The following SFMBT2 variants were observed in gnomAD, a reference collection of about 807,000 sequenced individuals.
SFMBT2 encodes scm-like with four MBT domains protein 2.
Under a neutral mutation model 110.1 loss-of-function variants are expected in SFMBT2, and 38 were observed. The observed-to-expected ratio is 0.35, with a 90% CI of 0.27 to 0.45. The LOEUF (loss-of-function observed/expected upper bound fraction) is 0.45, where lower values mean the gene tolerates loss of function less well. Ranked by LOEUF, SFMBT2 falls within the 20% of genes least tolerant of loss-of-function variation. SFMBT2 has a pLI of 1.00. For missense variants in SFMBT2, 1,011 were observed against 1,094.9 expected (o/e 0.92, Z 1.08); for synonymous variants, 425 against 425.4 (o/e 1.00, Z 0.01).
chr10:7,377,840 C>CGG (rs1167108581), intron 2 of SFMBT2, among the ~76,000 whole-genome samples: 5 of 152,190 alleles, frequency 3.3e-5, no homozygotes. Context: ...AATCTGTGGC[C>CGG]GGGGGGTTGG....
chr10:7,379,422 GATTT>G (rs1241416372), intron 2 of SFMBT2, among the ~76,000 whole-genome samples: 1 of 111,964 alleles, frequency 8.9e-6, no homozygotes, highest in Non-Finnish European at 2.0e-5. Context: ...CTCAAAACTA[GATTT>G]TAGTAAAAAA....
intron 4 of SFMBT2, chr10:7,320,543 C>T: frequency 1.1e-6 from 1 of 950,834 alleles, no homozygotes. Context: ...AACCATTTCA[C>T]TATAGGAAGT....
chr10:7,291,081 C>T (rs1290734998), intron 4 of SFMBT2, among the ~76,000 whole-genome samples: 1 of 152,172 alleles, frequency 6.6e-6, no homozygotes, highest in Non-Finnish European at 1.5e-5. Context: ...AACAAGGAGA[C>T]CCATGCTGGG....
chr10:7,368,356 TTAA>T (rs1472478947), intron 3 of SFMBT2: 37 of 985,416 alleles, frequency 3.8e-5, no homozygotes, highest in Non-Finnish European at 4.5e-5. Context: ...TGTTTTTTAA[TTAA>T]GGGTGATAGT....
In SFMBT2 at chr10:7,298,770, CGT is replaced by C. The variant is rs920024680; in HGVS notation, c.437-12818_437-12817del. On this transcript the variant is annotated intron_variant, in intron 4 of 20. Coordinates refer to ENST00000397167, the MANE Select transcript of SFMBT2 (RefSeq NM_001387889.1). ...ATGTGTGTGTGCATATGTGTGTGTTCGTGTGTGTGTGTGTATATGTGTGTCTG... is the reference window on the plus strand; with the variant it reads ...ATGTGTGTGTGCATATGTGTGTGTTCGTGTGTGTGTGTATATGTGTGTCTG... Among the ~76,000 whole-genome samples the C allele has an allele frequency of 1.3e-3, 191 of 150,996 alleles. 2 individuals carry two copies. The highest frequency in any genetic ancestry group is 4.2e-3 in the African/African-American group (174 of 41,130).
At position 7,163,836 on chromosome 10, in the gene SFMBT2, A is replaced by C; in HGVS notation, c.2619T>G (p.Pro873=). 6.2e-7 allele frequency: 1 copy of C among 1,614,230 alleles called. No homozygotes were observed. The highest frequency in any genetic ancestry group is 1.1e-5 in the South Asian group (1 of 91,086). ...CGATCTGGTGGCATAACTTGATGGC[A>C]GGCCCCAGCTTCAGCTCCATGCACT... is the stretch of plus-strand genomic sequence containing the variant. ...VQECMELKLG[P]AIKLCHQIER... Residue 873 remains proline (P), a synonymous_variant, in exon 21 of 21, where the codon CCT becomes CCG. Coordinates refer to ENST00000397167, the MANE Select transcript of SFMBT2 (RefSeq NM_001387889.1). The surrounding 1 kb of genome is among the most constrained non-coding windows in gnomAD (Gnocchi z 4.8).
intron 4 of SFMBT2, among the ~76,000 whole-genome samples, chr10:7,309,756 T>C (rs1180510307): frequency 6.6e-6 from 1 of 152,220 alleles, no homozygotes; most frequent in Non-Finnish European, 1.5e-5. Context: ...GTAAATGTCC[T>C]ACGCATAGCC....
At chr10:7,263,699 C>T (rs1841290721) in intron 7 of SFMBT2, among the ~76,000 whole-genome samples, 1 of 152,152 alleles carries the variant, frequency 6.6e-6, no homozygotes, top group Non-Finnish European at 1.5e-5. Context: ...TGTAAGTGTC[C>T]CACCTGAAGG....
In SFMBT2 at chr10:7,160,328, A is replaced by G. The variant is rs1382247521; in HGVS notation, c.*3442T>C. 2.0e-5 allele frequency: 3 copies of G among 152,260 alleles called. No individual in the cohort carries two copies. Among genetic ancestry groups the G allele is most frequent in the Admixed American group, 2.0e-4 (3 of 15,280 alleles). 9.4% of individuals were successfully genotyped at this position (152,260 alleles called of 1,614,324 possible). A position where few individuals can be genotyped will look rare whatever the true frequency, so the allele number is the denominator to read the frequency against. ...AGGATATTTTTTCAACATAGTACAAATACAGTCAAGAAGTGAGGAGCTGAA... is the reference window on the plus strand; with the variant it reads ...AGGATATTTTTTCAACATAGTACAAGTACAGTCAAGAAGTGAGGAGCTGAA... On this transcript the variant is annotated 3_prime_UTR_variant, in exon 21 of 21. Transcript: ENST00000397167.
At chr10:7,312,303 G>A (rs955445128) in intron 4 of SFMBT2, among the ~76,000 whole-genome samples, 1 of 152,084 alleles carries the variant, frequency 6.6e-6, no homozygotes, top group African/African-American at 2.4e-5. Context: ...CAGGGCTCTA[G>A]AGGTCCGAGG....
chr10:7,252,114 C>T (rs116863278), intron 7 of SFMBT2, among the ~76,000 whole-genome samples: 1,676 of 152,342 alleles, frequency 0.011, 24 homozygotes, highest in Non-Finnish European at 0.015. Flanking sequence ...AGGCCCTCAA[C>T]CTGACCTTGA....
intron 4 of SFMBT2, among the ~76,000 whole-genome samples, chr10:7,310,503 A>C (rs1842819797): frequency 6.6e-6 from 1 of 152,250 alleles, no homozygotes; most frequent in Non-Finnish European, 1.5e-5. Flanking sequence ...ACATTTTAAT[A>C]CAGTAGTCCA....
intron 16 of SFMBT2, among the ~76,000 whole-genome samples, chr10:7,179,408 A>AC (rs1564369391): frequency 6.6e-6 from 1 of 151,126 alleles, no homozygotes; most frequent in Non-Finnish European, 1.5e-5. Context: ...AAAAAAAAAA[A>AC]AAAAAAAACA....
chr10:7,311,334 T>C (rs1022220119), intron 4 of SFMBT2, among the ~76,000 whole-genome samples: 21 of 152,224 alleles, frequency 1.4e-4, no homozygotes, highest in African/African-American at 4.6e-4. Flanking sequence ...CCATCTTTCA[T>C]TGTGACATTT....
chr10:7,163,901 C>T lies in SFMBT2; in HGVS notation c.2554G>A (p.Gly852Ser), dbSNP rs1837621074. The change falls in exon 21 of 21, where the codon GGC becomes AGC. Residue 852 changes from glycine (G) to serine (S), a missense_variant. By Grantham distance (56) the Gly-to-Ser change is moderately conservative. Transcript: ENST00000397167. The surrounding 1 kb of genome is among the most constrained non-coding windows in gnomAD (Gnocchi z 4.8). ...AGGGTCAGAAGCAGGAGTGCTTGGC[C>T]GTCAATATCCTGCAGGAAAAGAAAG... ...AKIFQEQDID[G>S]QALLLLTLPT... The T allele has an allele frequency of 1.2e-6, 2 of 1,612,260 alleles. No individual in the cohort carries two copies. The highest frequency in any genetic ancestry group is 1.7e-6 in the Non-Finnish European group (2 of 1,179,232).
In SFMBT2 at chr10:7,171,566, A is replaced by G. The variant is rs1564364745; in HGVS notation, c.2415+329T>C. 1.0e-6 allele frequency: 1 copy of G among 985,408 alleles called. No homozygotes were observed. Among genetic ancestry groups the G allele is most frequent in the Non-Finnish European group, 1.2e-6 (1 of 829,900 alleles). The allele number at this position is 985,408 out of a possible 1,614,324, so 61.0% of individuals were successfully genotyped here. On this transcript the variant is annotated intron_variant, in intron 19 of 20. Coordinates refer to ENST00000397167, the MANE Select transcript of SFMBT2 (RefSeq NM_001387889.1). The surrounding 1 kb of genome is among the most constrained non-coding windows in gnomAD (Gnocchi z 4.9). ...CGTGGGAGCAAGACACAGCGCAGTC[A>G]GGGGAGATGCGGGGAAGGAATTTCT...
intron 4 of SFMBT2, among the ~76,000 whole-genome samples, chr10:7,362,187 T>G (rs925231721): frequency 2.6e-5 from 4 of 152,198 alleles, no homozygotes; most frequent in Non-Finnish European, 4.4e-5. Context: ...ATATGAAAGA[T>G]TAGCCCTGAT....
intron 7 of SFMBT2, among the ~76,000 whole-genome samples, chr10:7,274,799 G>A (rs1391078220): frequency 1.3e-5 from 2 of 151,626 alleles, no homozygotes; most frequent in African/African-American, 4.9e-5. Flanking sequence ...ACACTACAGC[G>A]AGCTATGATC....
intron 7 of SFMBT2, among the ~76,000 whole-genome samples, chr10:7,249,790 C>T (rs1173035669): frequency 6.6e-6 from 1 of 152,178 alleles, no homozygotes; most frequent in Non-Finnish European, 1.5e-5. Flanking sequence ...CACCGAGTTG[C>T]CAAGGTTAAC....
Sources: gnomAD v4.1 joint callset for allele counts (sites outside exome capture counted in the v4.1 genomes callset) on GRCh38, gnomAD v4.1.1 for gene constraint, Gnocchi (gnomAD v3.1) non-coding constraint, MANE v1.5 for transcripts, NCBI Gene and HGNC (gene_info 2026-07-23, HGNC 2026-07-21) for gene names.